Variants in ME2 observed in about 807,000 individuals in gnomAD.
ME2 encodes NAD-dependent malic enzyme, mitochondrial.
A neutral mutation model predicts 73.7 loss-of-function variants in ME2; 60 were observed. The ratio of observed to expected loss-of-function variants is 0.81; its 90% CI spans 0.66 to 1.01. The LOEUF (loss-of-function observed/expected upper bound fraction) is 1.01. Among genes scored for constraint, ME2 ranks in the 50% least tolerant of loss-of-function variants. ME2 has a pLI of 0.00. For missense variants in ME2, 594 were observed against 705.5 expected (o/e 0.84, Z 1.79); for synonymous variants, 199 against 236.9 (o/e 0.84, Z 1.47).
intron 1 of ME2, among the ~76,000 whole-genome samples, chr18:50,887,322 A>G (rs2144182521): frequency 6.6e-6 from 1 of 152,316 alleles, no homozygotes; most frequent in Middle Eastern, 3.4e-3. Flanking sequence ...GAGTGAAGAA[A>G]GAACCTATAG....
chr18:50,908,008 G>A, intron 2 of ME2, 55 bp from the exon 3 acceptor site: 2 of 1,246,384 alleles, frequency 1.6e-6, no homozygotes. Flanking sequence ...GAAGAACAAT[G>A]TCATTGCTAC....
At chr18:50,944,768 C>T (rs1176005625) in intron 15 of ME2, among the ~76,000 whole-genome samples, 1 of 152,100 alleles carries the variant, frequency 6.6e-6, no homozygotes, top group Non-Finnish European at 1.5e-5. Context: ...CCTCATTCTC[C>T]CTCCCATGCT....
chr18:50,915,993 A>G, intron 4 of ME2, 175 bp from the exon 5 acceptor site: 1 of 538,884 alleles, frequency 1.9e-6, no homozygotes, highest in East Asian at 3.1e-5. Context: ...AACAGTAATT[A>G]CAGTTTGAAG....
intron 2 of ME2, among the ~76,000 whole-genome samples, chr18:50,907,313 C>T (rs753050628): frequency 6.6e-5 from 10 of 152,186 alleles, no homozygotes; most frequent in Non-Finnish European, 1.3e-4. Context: ...ATTTAAAACT[C>T]ACAAAGCTTG....
intron 2 of ME2, among the ~76,000 whole-genome samples, chr18:50,896,813 A>G (rs953843765): frequency 2.0e-5 from 3 of 152,230 alleles, no homozygotes; most frequent in African/African-American, 7.2e-5. Flanking sequence ...TTTCAGGCCT[A>G]CAAAGGGGAA....
At chr18:50,899,713 C>T (rs1289677555) in intron 2 of ME2, among the ~76,000 whole-genome samples, 1 of 152,226 alleles carries the variant, frequency 6.6e-6, no homozygotes, top group East Asian at 1.9e-4. Context: ...TTCCTCACCA[C>T]ACTGGGTGAG....
At chr18:50,935,521 T>C (rs958703920) in intron 13 of ME2, 4 of 151,458 alleles carry the variant, frequency 2.6e-5, no homozygotes, top group Non-Finnish European at 5.9e-5. Flanking sequence ...GGTGGAAGAA[T>C]TGCTTGAGCC....
intron 1 of ME2, among the ~76,000 whole-genome samples, chr18:50,882,227 G>C (rs143742132): frequency 2.6e-3 from 391 of 152,248 alleles, no homozygotes; most frequent in Non-Finnish European, 4.3e-3. Context: ...TGGAACTCTT[G>C]AGCTCAAGCA....
chr18:50,890,334 G>A (rs1599086179), intron 1 of ME2, among the ~76,000 whole-genome samples: 1 of 151,970 alleles, frequency 6.6e-6, no homozygotes, highest in South Asian at 2.1e-4. Context: ...GGCTAGTCTC[G>A]AACTCCTGAG....
chr18:50,903,102 G>C (rs73960342), intron 2 of ME2, among the ~76,000 whole-genome samples: 2,230 of 152,228 alleles, frequency 0.015, 50 homozygotes, highest in African/African-American at 0.05. Flanking sequence ...CTGTTGCATA[G>C]ATGAGAAAAA....
At chr18:50,891,460 A>C (rs531156575) in intron 1 of ME2, among the ~76,000 whole-genome samples, 2 of 152,280 alleles carry the variant, frequency 1.3e-5, no homozygotes, top group South Asian at 4.1e-4. Context: ...TAGGTCTCTG[A>C]AAAGATGAGA....
chr18:50,883,043 T>C (rs943747647), intron 1 of ME2, among the ~76,000 whole-genome samples: 1 of 152,226 alleles, frequency 6.6e-6, no homozygotes, highest in Non-Finnish European at 1.5e-5. Flanking sequence ...GGTAGGAAGG[T>C]CATAGTTACA....
intron 3 of ME2, among the ~76,000 whole-genome samples, chr18:50,912,584 G>A (rs1020335991): frequency 6.6e-6 from 1 of 152,028 alleles, no homozygotes; most frequent in East Asian, 1.9e-4. Context: ...TTATTTCATC[G>A]TCATCATCAT....
chr18:50,884,886 C>T (rs1023168196), intron 1 of ME2, among the ~76,000 whole-genome samples: 1 of 151,762 alleles, frequency 6.6e-6, no homozygotes, highest in Non-Finnish European at 1.5e-5. Flanking sequence ...CGGAGTTTCG[C>T]TCTTGTTGCC....
intron 3 of ME2, among the ~76,000 whole-genome samples, chr18:50,909,702 T>TC (rs1917101062): frequency 6.6e-6 from 1 of 152,072 alleles, no homozygotes; most frequent in Non-Finnish European, 1.5e-5. Flanking sequence ...TACAAGAAGT[T>TC]CAGGTAAGGA....
At chr18:50,883,211 G>A (rs1472716366) in intron 1 of ME2, among the ~76,000 whole-genome samples, 1 of 152,122 alleles carries the variant, frequency 6.6e-6, no homozygotes, top group East Asian at 1.9e-4. Flanking sequence ...TTCTGAACTG[G>A]TAATTAGCTG....
At chr18:50,926,858 T>A (rs1917564871) in intron 12 of ME2, among the ~76,000 whole-genome samples, 2 of 152,256 alleles carry the variant, frequency 1.3e-5, no homozygotes, top group Non-Finnish European at 2.9e-5. Flanking sequence ...TTTATTAATT[T>A]AGTAACAGAC....
At chr18:50,907,325 T>C (rs976700869) in intron 2 of ME2, among the ~76,000 whole-genome samples, 1 of 152,234 alleles carries the variant, frequency 6.6e-6, no homozygotes, top group African/African-American at 2.4e-5. Context: ...CAAAGCTTGT[T>C]GCTTACTGAA....
At chr18:50,880,385 T>C (rs147688641) in intron 1 of ME2, among the ~76,000 whole-genome samples, 1 of 152,368 alleles carries the variant, frequency 6.6e-6, no homozygotes, top group African/African-American at 2.4e-5. Flanking sequence ...TGTATACTCC[T>C]TAAGCATTGC....
Sources: gnomAD v4.1 joint callset for allele counts (sites outside exome capture counted in the v4.1 genomes callset) on GRCh38, gnomAD v4.1.1 for gene constraint, MANE v1.5 for transcripts, NCBI Gene and HGNC (gene_info 2026-07-23, HGNC 2026-07-21) for gene names.